Variants in MBP observed in about 807,000 individuals in gnomAD.
MBP encodes the protein myelin basic protein, also known as Golli-MBP.
MBP carries 16 observed loss-of-function variants against 35.8 expected under a neutral mutation model. The ratio of observed to expected loss-of-function variants is 0.45; its 90% CI spans 0.30 to 0.68. MBP has a LOEUF of 0.68. MBP is among the 30% of genes least tolerant of loss of function. MBP has a pLI of 0.08. For synonymous variants in MBP, 143 were observed against 159.6 expected, an observed-to-expected ratio of 0.90 and a Z score of 0.78; for missense variants, 380 against 404.7, an observed-to-expected ratio of 0.94 and a Z score of 0.52.
chr18:77,037,541 G>A (rs539563043), intron 3 of MBP, among the ~76,000 whole-genome samples: 23 of 152,252 alleles, frequency 1.5e-4, no homozygotes, highest in Non-Finnish European at 3.2e-4. Flanking sequence ...CAGGATCTGG[G>A]GGATGATTCC....
At chr18:77,040,334 T>C (rs1663349670) in intron 3 of MBP, among the ~76,000 whole-genome samples, 1 of 152,150 alleles carries the variant, frequency 6.6e-6, no homozygotes, top group Admixed American at 6.5e-5. Flanking sequence ...AGAATCAATA[T>C]CGTGAAAATG....
At chr18:77,074,157 G>A (rs1471821926) in intron 2 of MBP, among the ~76,000 whole-genome samples, 1 of 152,206 alleles carries the variant, frequency 6.6e-6, no homozygotes, top group Non-Finnish European at 1.5e-5. Flanking sequence ...GGTCCTTGGA[G>A]GTAGACAGTG....
chr18:77,098,191 C>CTTTTTTTTTTTTTTTTT (rs1975845547), intron 2 of MBP, among the ~76,000 whole-genome samples: 1 of 41,288 alleles, frequency 2.4e-5, no homozygotes, highest in African/African-American at 6.4e-5. Flanking sequence ...TTTTTTTTTA[C>CTTTTTTTTTTTTTTTTT]AATAATAGCA....
chr18:77,078,885 G>A (rs964047027), intron 2 of MBP, among the ~76,000 whole-genome samples: 5 of 152,174 alleles, frequency 3.3e-5, no homozygotes, highest in Non-Finnish European at 5.9e-5. Context: ...AGCCCCAGGC[G>A]GGCTCAGCAC....
intron 3 of MBP, chr18:77,017,648 C>G (rs1039607869): frequency 5.4e-6 from 1 of 184,102 alleles, no homozygotes; most frequent in Non-Finnish European, 1.1e-5. Flanking sequence ...TTTAAAAGGC[C>G]ACTGGTGCAT....
At chr18:77,008,256 G>T (rs1203348459) in intron 4 of MBP, among the ~76,000 whole-genome samples, 2 of 152,048 alleles carry the variant, frequency 1.3e-5, no homozygotes, top group Non-Finnish European at 2.9e-5. Context: ...GGCCGGCAGG[G>T]TCGGTGCCTC....
intron 3 of MBP, among the ~76,000 whole-genome samples, chr18:77,052,399 G>A (rs574073412): frequency 3.3e-5 from 5 of 152,244 alleles, no homozygotes; most frequent in East Asian, 3.9e-4. Context: ...TGAGCTCCCC[G>A]GGTCCCGAGC....
chr18:77,109,618 C>T (rs1976386219), intron 1 of MBP: 1 of 152,178 alleles, frequency 6.6e-6, no homozygotes, highest in Non-Finnish European at 1.5e-5. Flanking sequence ...GCCAGTCTTC[C>T]TAGATAGTTG....
chr18:77,105,320 C>A, intron 1 of MBP, 34 bp from the exon 2 acceptor site: 1 of 1,336,518 alleles, frequency 7.5e-7, no homozygotes, highest in South Asian at 1.2e-5. Flanking sequence ...AGCCCTAAGT[C>A]TAGTGCTCTT....
Position 76,988,426 on chromosome 18 carries a change from C to T in MBP, c.750+69G>A, listed in dbSNP as rs745321945. On this transcript the variant is annotated intron_variant, in intron 7 of 8. Coordinates refer to ENST00000355994, the MANE Select transcript of MBP (RefSeq NM_001025101.2). The surrounding 1 kb of genome is among the most constrained non-coding windows in gnomAD (Gnocchi z 5.2). ...AGGAAGCAACCGAAACAGAGCAGAA[C>T]ACAAAAGTTGCGGGGCTGTGAGGAC... is the stretch of plus-strand genomic sequence containing the variant. 1 of 1,614,196 alleles carries T rather than the reference C, an allele frequency of 6.2e-7. No individual in the cohort carries two copies. The highest frequency in any genetic ancestry group is 8.5e-7 in the Non-Finnish European group (1 of 1,180,028).
intron 1 of MBP, 144 bp downstream of exon 1, chr18:77,132,436 G>C (rs1460209193): frequency 2.6e-5 from 4 of 152,282 alleles, no homozygotes; most frequent in African/African-American, 9.6e-5. Context: ...CCGGGCGTCG[G>C]GATAGCTCCT....
chr18:77,072,761 C>T (rs899056256), intron 2 of MBP, among the ~76,000 whole-genome samples: 14 of 152,326 alleles, frequency 9.2e-5, no homozygotes, highest in Non-Finnish European at 1.3e-4. Context: ...CCGCCCGCAG[C>T]GCAGTTACTC....
At chr18:77,033,543 A>G (rs1277694118) in intron 3 of MBP, among the ~76,000 whole-genome samples, 2 of 151,972 alleles carry the variant, frequency 1.3e-5, no homozygotes, top group Non-Finnish European at 2.9e-5. Flanking sequence ...TACAGTTTTC[A>G]TCCTTCCATC....
chr18:77,017,109 G>C lies in MBP; in HGVS notation c.299C>G (p.Pro100Arg). The C allele has an allele frequency of 6.3e-7, 1 of 1,591,752 alleles. No individual in the cohort carries two copies. The highest frequency in any genetic ancestry group is 8.6e-7 in the Non-Finnish European group (1 of 1,165,240). ...HLIRLFSRDA[P>R]GREDNTFKDR... ...TTTGAAGGTGTTGTCCTCCCTCCCC[G>C]GGGCATCTCGGGAAAAGAGGCGGAT... Residue 100 changes from proline (P) to arginine (R), a missense_variant, in exon 4 of 9, where the codon CCG (proline) becomes CGG (arginine). Transcript: ENST00000355994.
rs191609951 is a variant in MBP at position 77,070,861 on chromosome 18, C to T, written c.52-4476G>A. Among the ~76,000 whole-genome samples the T allele has an allele frequency of 2.9e-3, 448 of 152,264 alleles. 2 individuals are homozygous for T. Among genetic ancestry groups the T allele is most frequent in the Non-Finnish European group, 4.2e-3 (288 of 68,024 alleles). On this transcript the variant is annotated intron_variant, in intron 2 of 8. Transcript: ENST00000355994. ...TTCCCAAAGCCAGTCACAGCCAGGA[C>T]GTCGGCGGGCGGAATCCTGGTTGGT...
intron 3 of MBP, among the ~76,000 whole-genome samples, chr18:77,050,059 G>A (rs1401171450): frequency 6.6e-6 from 1 of 152,208 alleles, no homozygotes; most frequent in Non-Finnish European, 1.5e-5. Flanking sequence ...TTTTTACTTA[G>A]TGTAGAGTTT....
intron 4 of MBP, chr18:77,005,916 C>T (rs1351612901): frequency 2.0e-5 from 3 of 152,272 alleles, no homozygotes; most frequent in Admixed American, 2.0e-4. Flanking sequence ...GCTTTTCTTG[C>T]TTGATCAGCA....
At chr18:77,088,237 G>T (rs7241533) in intron 2 of MBP, among the ~76,000 whole-genome samples, 59,613 of 152,072 alleles carry the variant, frequency 0.39, 13,612 homozygotes, top group East Asian at 0.66. Context: ...GGTGGCTTTG[G>T]TGAGGGCCCC....
At chr18:77,024,647 G>A (rs541339126) in intron 3 of MBP, among the ~76,000 whole-genome samples, 2 of 152,210 alleles carry the variant, frequency 1.3e-5, no homozygotes, top group African/African-American at 2.4e-5. Context: ...GCATGTGGGC[G>A]ACGGAGAATC....
Sources: allele counts gnomAD v4.1 joint callset (sites outside exome capture counted in the v4.1 genomes callset), GRCh38; gene constraint gnomAD v4.1.1; non-coding constraint Gnocchi (gnomAD v3.1); transcripts MANE v1.5; gene names NCBI Gene and HGNC (gene_info 2026-07-23, HGNC 2026-07-21).